The following SAMMSON variants were observed in gnomAD, a reference collection of about 807,000 sequenced individuals.
SAMMSON encodes long intergenic non-protein coding RNA 1212.
chr3:70,387,024 A>T (rs1484740038), intron 9 of SAMMSON, among the ~76,000 whole-genome samples: 1 of 152,068 alleles, frequency 6.6e-6, no homozygotes, highest in Non-Finnish European at 1.5e-5. Context: ...GAATTGAGGT[A>T]TTAATTCTAA....
chr3:70,004,239 T>C (rs1431944346), intron 1 of SAMMSON, among the ~76,000 whole-genome samples: 8 of 152,112 alleles, frequency 5.3e-5, no homozygotes, highest in Admixed American at 4.6e-4. Context: ...GTTGCCCACA[T>C]AGAGTGGGCA....
At chr3:70,195,195 C>T (rs1341305803) in intron 4 of SAMMSON, among the ~76,000 whole-genome samples, 1 of 152,172 alleles carries the variant, frequency 6.6e-6, no homozygotes, top group African/African-American at 2.4e-5. Flanking sequence ...CTTATGTTCC[C>T]TTCCTGTTCT....
chr3:70,147,979 T>G (rs1463820383), intron 4 of SAMMSON, among the ~76,000 whole-genome samples: 1 of 151,960 alleles, frequency 6.6e-6, no homozygotes, highest in African/African-American at 2.4e-5. Context: ...TGGGCAAAAT[T>G]TGGACAATTT....
chr3:70,333,862 CTGT>C (rs1273414735), intron 7 of SAMMSON, among the ~76,000 whole-genome samples: 1 of 152,170 alleles, frequency 6.6e-6, no homozygotes, highest in African/African-American at 2.4e-5. Context: ...CTGCTAGAAA[CTGT>C]TAAGTACGTG....
intron 4 of SAMMSON, among the ~76,000 whole-genome samples, chr3:70,209,987 C>G (rs542403720): frequency 1.3e-5 from 2 of 152,052 alleles, no homozygotes; most frequent in East Asian, 3.9e-4. Context: ...ATGGAGATTG[C>G]AGCAGCTATT....
chr3:70,112,566 G>A (rs2067394080), intron 4 of SAMMSON, among the ~76,000 whole-genome samples: 1 of 152,092 alleles, frequency 6.6e-6, no homozygotes, highest in Admixed American at 6.6e-5. Context: ...GTAGAAAATA[G>A]GATAGAAGAA....
At chr3:70,329,339 TG>T (rs1196170343) in intron 7 of SAMMSON, among the ~76,000 whole-genome samples, 2 of 152,228 alleles carry the variant, frequency 1.3e-5, no homozygotes, top group South Asian at 4.1e-4. Flanking sequence ...AGACAATTAT[TG>T]GCAAAGCTCT....
At chr3:70,224,207 G>T (rs950118547) in intron 4 of SAMMSON, among the ~76,000 whole-genome samples, 3 of 152,140 alleles carry the variant, frequency 2.0e-5, no homozygotes, top group African/African-American at 7.2e-5. Flanking sequence ...TTTCTTCTCA[G>T]TTTATAAGTA....
chr3:70,331,333 G>A (rs568439138), intron 7 of SAMMSON, among the ~76,000 whole-genome samples: 8 of 152,216 alleles, frequency 5.3e-5, no homozygotes, highest in East Asian at 3.9e-4. Flanking sequence ...CTGGTGTATC[G>A]CTAGGGCTTA....
chr3:70,131,183 C>A (rs1195527361), intron 4 of SAMMSON, among the ~76,000 whole-genome samples: 1 of 152,172 alleles, frequency 6.6e-6, no homozygotes, highest in African/African-American at 2.4e-5. Flanking sequence ...GTCTGGTATT[C>A]TGAGTGGCTC....
chr3:70,050,684 C>A (rs2067142701), intron 3 of SAMMSON, among the ~76,000 whole-genome samples: 1 of 152,056 alleles, frequency 6.6e-6, no homozygotes, highest in Non-Finnish European at 1.5e-5. Flanking sequence ...TCAACTTTCA[C>A]CTGAATGATA....
chr3:70,195,807 C>T (rs1384854007), intron 4 of SAMMSON, among the ~76,000 whole-genome samples: 1 of 152,100 alleles, frequency 6.6e-6, no homozygotes, highest in African/African-American at 2.4e-5. Flanking sequence ...AAAGAACATT[C>T]CAAAGTAACT....
At chr3:70,003,343 T>C (rs747969417) in intron 1 of SAMMSON, among the ~76,000 whole-genome samples, 4 of 152,024 alleles carry the variant, frequency 2.6e-5, no homozygotes, top group Non-Finnish European at 4.4e-5. Context: ...AATGTAATTA[T>C]TGATATATTA....
chr3:70,298,303 T>A (rs1016826565), intron 7 of SAMMSON, among the ~76,000 whole-genome samples: 7 of 152,244 alleles, frequency 4.6e-5, no homozygotes, highest in African/African-American at 1.4e-4. Flanking sequence ...TATTTTCAAG[T>A]GCTTGTTTCA....
chr3:70,256,969 C>T (rs1429217723), intron 6 of SAMMSON, among the ~76,000 whole-genome samples: 1 of 151,988 alleles, frequency 6.6e-6, no homozygotes, highest in Admixed American at 6.6e-5. Context: ...AGGAAAAGCC[C>T]GACTATGGGC....
At chr3:70,344,374 G>A (rs1702733846) in intron 7 of SAMMSON, among the ~76,000 whole-genome samples, 1 of 152,142 alleles carries the variant, frequency 6.6e-6, no homozygotes, top group African/African-American at 2.4e-5. Context: ...GAGGAGATTG[G>A]CCACTGGATG....
intron 4 of SAMMSON, among the ~76,000 whole-genome samples, chr3:70,199,900 A>G (rs759560051): frequency 8.5e-5 from 13 of 152,170 alleles, no homozygotes; most frequent in Admixed American, 2.0e-4. Context: ...AACGTCTTCA[A>G]AACATCTCAC....
intron 4 of SAMMSON, among the ~76,000 whole-genome samples, chr3:70,238,190 C>A (rs1416149014): frequency 6.6e-6 from 1 of 151,714 alleles, no homozygotes; most frequent in Non-Finnish European, 1.5e-5. Flanking sequence ...CGCATAGCAC[C>A]AATCCAGGCG....
intron 6 of SAMMSON, among the ~76,000 whole-genome samples, chr3:70,250,479 G>A (rs576561559): frequency 2.7e-5 from 4 of 150,424 alleles, no homozygotes; most frequent in South Asian, 2.1e-4. Flanking sequence ...GATTTCCAAC[G>A]AGATGTAAAT....
Sources: allele counts gnomAD v4.1 joint callset (sites outside exome capture counted in the v4.1 genomes callset), GRCh38; gene constraint gnomAD v4.1.1; transcripts MANE v1.5; gene names NCBI Gene and HGNC (gene_info 2026-07-23, HGNC 2026-07-21).